Variants in VPS53 observed in about 807,000 individuals in gnomAD.
VPS53 encodes the protein VPS53 subunit of GARP complex, also known as vacuolar protein sorting-associated protein 53 homolog.
In VPS53, 70 loss-of-function variants were observed where a neutral mutation model predicts 107.0. The observed-to-expected ratio is 0.65, with a 90% CI of 0.54 to 0.80. The LOEUF is 0.80. VPS53 is among the 30% of genes least tolerant of loss of function. VPS53 has a pLI of 0.00. For missense variants in VPS53, 917 were observed against 1,049.4 expected (o/e 0.87, Z 1.74); for synonymous variants, 409 against 393.3 (o/e 1.04, Z -0.47).
At chr17:638,928 G>GT (rs2143284330) in intron 7 of VPS53, among the ~76,000 whole-genome samples, 1 of 152,130 alleles carries the variant, frequency 6.6e-6, no homozygotes, top group East Asian at 1.9e-4. Flanking sequence ...TATCTTTGTG[G>GT]TGTTCTCTGT....
chr17:591,988 G>A (rs1967684771), intron 12 of VPS53, among the ~76,000 whole-genome samples: 1 of 152,152 alleles, frequency 6.6e-6, no homozygotes, highest in Admixed American at 6.5e-5. Flanking sequence ...TGTTGACAGT[G>A]GGGTGTTAAA....
intron 4 of VPS53, among the ~76,000 whole-genome samples, chr17:672,555 A>G (rs1263199228): frequency 6.6e-6 from 1 of 152,226 alleles, no homozygotes; most frequent in Non-Finnish European, 1.5e-5. Flanking sequence ...TAAGATGGCT[A>G]AGTTCAGTAT....
rs544552003 is a variant in VPS53 at position 707,999 on chromosome 17, G to A, written c.168+2534C>T. ...CATCTCCTGTGAGTCTCTGCTCACT[G>A]TGCACATCTTATGTCTCCTGTTTCT... is the stretch of plus-strand genomic sequence containing the variant. On this transcript the variant is annotated intron_variant, in intron 2 of 21. Coordinates refer to ENST00000437048, the MANE Select transcript of VPS53 (RefSeq NM_001128159.3). Among the ~76,000 whole-genome samples, 4 of 152,282 alleles carry A rather than the reference G, an allele frequency of 2.6e-5. No homozygotes were observed. The East Asian group carries it at 7.7e-4, about 29-fold the overall frequency.
At chr17:549,436 C>T (rs148026163) in intron 17 of VPS53, among the ~76,000 whole-genome samples, 11 of 151,552 alleles carry the variant, frequency 7.3e-5, no homozygotes, top group South Asian at 2.1e-4. Context: ...TCTGGAGGCA[C>T]GGTCTCTGTT....
rs377433960 is a variant in VPS53, at chr17:519,230, C to T, written c.2397G>A (p.Ser799=). The change falls in exon 22 of 22, where the codon TCG becomes TCA. Residue 799 remains serine (S), a synonymous_variant. Coordinates refer to ENST00000437048, the MANE Select transcript of VPS53 (RefSeq NM_001128159.3). This position sits in a 1 kb window ranked among gnomAD's most constrained non-coding sequence, Gnocchi z 5.0. ...LLRQRLPAPP[S]GAESSGSLSL... is the part of the protein sequence containing the mutation. ...ACAGTGAGCCGGAGCTTTCTGCCCC[C>T]GAGGGCGGTGCGGGGAGCCGCTGGC... 194 of 1,548,810 alleles carry T rather than the reference C, an allele frequency of 1.3e-4. No individual in the cohort carries two copies. In the African/African-American group the frequency reaches 2.4e-3, roughly 19 times the overall value.
intron 11 of VPS53, among the ~76,000 whole-genome samples, chr17:608,962 G>T (rs1461192051): frequency 6.6e-6 from 1 of 151,810 alleles, no homozygotes; most frequent in Non-Finnish European, 1.5e-5. Context: ...GAGTAAAGAT[G>T]ATTTATAACT....
chr17:680,702 G>A (rs1175891768), intron 4 of VPS53, among the ~76,000 whole-genome samples: 1 of 152,182 alleles, frequency 6.6e-6, no homozygotes, highest in East Asian at 1.9e-4. Flanking sequence ...GGAGAGAAGT[G>A]TCTTTTGCTT....
intron 13 of VPS53, among the ~76,000 whole-genome samples, chr17:577,880 T>C (rs1283483688): frequency 2.0e-5 from 3 of 151,394 alleles, no homozygotes; most frequent in Non-Finnish European, 4.4e-5. Context: ...CAGGACCTAA[T>C]GTGGTCCCAG....
chr17:608,789 A>G (rs905287367), intron 11 of VPS53, among the ~76,000 whole-genome samples: 3 of 151,664 alleles, frequency 2.0e-5, no homozygotes, highest in Admixed American at 6.6e-5. Context: ...CTCATTTTAA[A>G]ATTTTTTTTT....
At chr17:656,328 ATATAAAACACC>A (rs1199536132) in intron 5 of VPS53, among the ~76,000 whole-genome samples, 3 of 152,224 alleles carry the variant, frequency 2.0e-5, no homozygotes, top group Non-Finnish European at 4.4e-5. Context: ...CCGCTGGGCC[ATATAAAACACC>A]TATCAGTCAG....
chr17:707,520 C>CAAGAA (rs1973457935), intron 2 of VPS53, among the ~76,000 whole-genome samples: 1 of 95,410 alleles, frequency 1.0e-5, no homozygotes, highest in Non-Finnish European at 2.2e-5. Flanking sequence ...GACTTTGTCT[C>CAAGAA]AAAAAAAAAA....
chr17:657,938 C>A (rs141942602), intron 5 of VPS53, among the ~76,000 whole-genome samples: 2,034 of 151,412 alleles, frequency 0.013, 34 homozygotes, highest in African/African-American at 0.046. Context: ...ATAGATACAT[C>A]GCACTAAAGT....
At position 680,150 on chromosome 17, in the gene VPS53, C is replaced by A. The variant is rs1033031651; in HGVS notation, c.285+17268G>T. 2.0e-5 allele frequency among the ~76,000 whole-genome samples: 3 copies of A among 152,096 alleles called. No homozygotes were observed. The East Asian group carries it at 5.8e-4, about 29-fold the overall frequency. ...CTCTACTACAAATACAAAAATTAGC[C>A]GGTCATGGTAGCAGGCGTCTGTTAT... On this transcript the variant is annotated intron_variant, in intron 4 of 21. Coordinates refer to ENST00000437048, the MANE Select transcript of VPS53 (RefSeq NM_001128159.3).
chr17:601,891 C>G lies in VPS53; in HGVS notation c.1122G>C (p.Lys374Asn). ...GCTLTDGTLKKLESPPPSTNP... is the reference protein window; with the variant it reads ...GCTLTDGTLKNLESPPPSTNP... ...TGGTAGATGGGGGTGGAGACTCAAG[C>G]TTTTTCTGTTAGGTAGATATGAGAA... The change falls in exon 12 of 22, where the codon AAG (lysine) becomes AAC (asparagine). Residue 374 changes from lysine (K) to asparagine (N), a missense_variant. By Grantham distance (94) the Lys-to-Asn change is moderately conservative (BLOSUM62 0). Coordinates refer to ENST00000437048, the MANE Select transcript of VPS53 (RefSeq NM_001128159.3). 6.3e-7 allele frequency: 1 copy of G among 1,583,886 alleles called. No homozygotes were observed. Among genetic ancestry groups the G allele is most frequent in the Non-Finnish European group, 8.6e-7 (1 of 1,164,966 alleles).
At chr17:691,466 A>G (rs1972773399) in intron 4 of VPS53, among the ~76,000 whole-genome samples, 3 of 152,228 alleles carry the variant, frequency 2.0e-5, no homozygotes, top group African/African-American at 7.2e-5. Flanking sequence ...GGAAGATTGT[A>G]CTACAATTAC....
chr17:679,353 A>C (rs946064112), intron 4 of VPS53, among the ~76,000 whole-genome samples: 1 of 151,972 alleles, frequency 6.6e-6, no homozygotes, highest in African/African-American at 2.4e-5. Context: ...ATCTCTACTA[A>C]AAATACAAAA....
chr17:580,272 C>T (rs890291558), intron 13 of VPS53, among the ~76,000 whole-genome samples: 1 of 150,780 alleles, frequency 6.6e-6, no homozygotes, highest in Non-Finnish European at 1.5e-5. Context: ...TTAATGCGTT[C>T]CCAGAGAAAT....
At chr17:546,473 A>G (rs2151829438) in intron 17 of VPS53, among the ~76,000 whole-genome samples, 1 of 152,302 alleles carries the variant, frequency 6.6e-6, no homozygotes, top group South Asian at 2.1e-4. Flanking sequence ...TTCATATCTG[A>G]TAAGGGGTCT....
At chr17:558,820 C>G (rs1185392693) in intron 15 of VPS53, among the ~76,000 whole-genome samples, 1 of 107,872 alleles carries the variant, frequency 9.3e-6, no homozygotes, top group Non-Finnish European at 1.7e-5. Context: ...CCCATCTCTA[C>G]TAAAAAAAAA....
Sources: allele counts gnomAD v4.1 joint callset (sites outside exome capture counted in the v4.1 genomes callset), GRCh38; gene constraint gnomAD v4.1.1; non-coding constraint Gnocchi (gnomAD v3.1); transcripts MANE v1.5; gene names NCBI Gene and HGNC (gene_info 2026-07-23, HGNC 2026-07-21).